Variants in CSN3 observed in about 807,000 individuals in gnomAD.
The protein encoded by CSN3 is casein kappa, also known as kappa-casein.
Under a neutral mutation model 9.9 loss-of-function variants are expected in CSN3, and 7 were observed. The observed-to-expected ratio is 0.71, with a 90% CI of 0.40 to 1.33. The LOEUF is 1.33. CSN3 is among the 40% of genes most tolerant of loss of function. CSN3 has a pLI of 0.01. For synonymous variants in CSN3, 88 were observed against 82.3 expected (o/e 1.07, Z -0.37); for missense variants, 253 against 227.9 (o/e 1.11, Z -0.71).
At chr4:70,245,439 A>G (rs1385424342) in intron 2 of CSN3, among the ~76,000 whole-genome samples, 3 of 152,206 alleles carry the variant, frequency 2.0e-5, no homozygotes, top group Non-Finnish European at 2.9e-5. Context: ...TCCAGGGATC[A>G]ATGGTTATAA....
At chr4:70,249,279 G>A (rs756304614) in exon 4 of CSN3, 2 of 1,614,008 alleles carry the variant, frequency 1.2e-6, no homozygotes, top group Admixed American at 3.3e-5. Flanking sequence ...TCCCCCCAAA[G>A]AAAATTCAGG....
chr4:70,242,280 T>TAAAAAGACTGGCCCAAAGG (rs1560495253), upstream of CSN3, among the ~76,000 whole-genome samples: 2 of 18,630 alleles, frequency 1.1e-4, no homozygotes, highest in Non-Finnish European at 1.9e-4. Flanking sequence ...GCATTTCTTT[T>TAAAAAGACTGGCCCAAAGG]TTATTTTATT....
chr4:70,239,443 T>C (rs1730230460), upstream of CSN3, among the ~76,000 whole-genome samples: 1 of 151,904 alleles, frequency 6.6e-6, no homozygotes, highest in African/African-American at 2.4e-5. Flanking sequence ...TGGGTTCGTG[T>C]TGGAGAAATA....
chr4:70,239,638 C>A (rs1730233306), upstream of CSN3, among the ~76,000 whole-genome samples: 1 of 152,000 alleles, frequency 6.6e-6, no homozygotes, highest in Admixed American at 6.6e-5. Flanking sequence ...TGAAAATAGT[C>A]TTTCTGTAAG....
chr4:70,249,372 T>C (rs1156315101), exon 4 of CSN3: 2 of 1,614,066 alleles, frequency 1.2e-6, no homozygotes, highest in Non-Finnish European at 1.7e-6. Flanking sequence ...CGGTGGACAG[T>C]GTAGTCACTC....
intron 3 of CSN3, 79 bp downstream of exon 3, chr4:70,247,929 C>G: frequency 3.9e-6 from 4 of 1,014,428 alleles, no homozygotes; most frequent in Non-Finnish European, 5.7e-6. Flanking sequence ...ATTATAGATG[C>G]CTTCTGTCTA....
At chr4:70,250,818 G>A (rs1730468846) in intron 4 of CSN3, among the ~76,000 whole-genome samples, 1 of 152,076 alleles carries the variant, frequency 6.6e-6, no homozygotes, top group African/African-American at 2.4e-5. Flanking sequence ...TGTCTAACTT[G>A]CTGAAAAACA....
At chr4:70,242,526 A>C (rs965645911), upstream of CSN3, 2 of 151,642 alleles carry the variant, frequency 1.3e-5, no homozygotes, top group Non-Finnish European at 2.9e-5. Flanking sequence ...TTGGGTAAAA[A>C]GTAGGAGGGA....
intron 4 of CSN3, 90 bp downstream of exon 4, chr4:70,249,583 A>G: frequency 1.2e-6 from 1 of 809,280 alleles, no homozygotes; most frequent in Non-Finnish European, 1.9e-6. Context: ...ACAAATAGAT[A>G]AACTAAGTGT....
Position 70,248,996 on chromosome 4 carries a change from A to G in CSN3, c.88-2A>G. ...ATTCTGTATAATTTATTTTTTTTGC[A>G]GTGCCATGAGAATGATGAAAGACCA... On this transcript the variant is annotated splice_acceptor_variant, in intron 3 of 4. Coordinates refer to ENST00000304954, the Ensembl canonical transcript of CSN3. LOFTEE classifies it high-confidence loss of function. 2 of 1,550,878 alleles carry G rather than the reference A, an allele frequency of 1.3e-6. No individual in the cohort carries two copies. The highest frequency in any genetic ancestry group is 1.7e-6 in the Non-Finnish European group (2 of 1,149,566).
intron 4 of CSN3, 51 bp downstream of exon 4, chr4:70,249,544 A>G (rs1253868526): frequency 4.7e-6 from 5 of 1,061,664 alleles, no homozygotes; most frequent in Middle Eastern, 2.1e-4. Context: ...GCATGGATTT[A>G]TGAATACAAC....
chr4:70,241,147 A>C (rs2109691874), upstream of CSN3, among the ~76,000 whole-genome samples: 1 of 152,138 alleles, frequency 6.6e-6, no homozygotes, highest in Non-Finnish European at 1.5e-5. Flanking sequence ...CACCTTCAAA[A>C]TTTGAGGAAT....
chr4:70,249,719 G>T (rs1203389337), intron 4 of CSN3, among the ~76,000 whole-genome samples: 1 of 152,062 alleles, frequency 6.6e-6, no homozygotes. Flanking sequence ...AAAATAATTG[G>T]CAACTTCATT....
chr4:70,247,066 T>A (rs2063747), intron 2 of CSN3, among the ~76,000 whole-genome samples: 51,701 of 151,990 alleles, frequency 0.34, 9,344 homozygotes, highest in Non-Finnish European at 0.4. Context: ...ACCTTCTCAA[T>A]TTTCTGATTT....
chr4:70,241,840 G>A (rs372854093), upstream of CSN3, among the ~76,000 whole-genome samples: 5 of 151,994 alleles, frequency 3.3e-5, no homozygotes, highest in Admixed American at 6.6e-5. Context: ...CAATGCATAC[G>A]GGAGAAAATG....
chr4:70,241,451 C>T (rs1450983369), upstream of CSN3, among the ~76,000 whole-genome samples: 5 of 152,002 alleles, frequency 3.3e-5, no homozygotes, highest in Non-Finnish European at 7.4e-5. Flanking sequence ...GACATAACTA[C>T]AATGCTGATA....
chr4:70,238,558 G>T (rs1352391347), upstream of CSN3, among the ~76,000 whole-genome samples: 3 of 151,792 alleles, frequency 2.0e-5, no homozygotes, highest in African/African-American at 4.8e-5. Context: ...TTAATCAGAA[G>T]AATAATCATA....
At chr4:70,249,317 C>A in exon 4 of CSN3, 1 of 1,614,018 alleles carries the variant, frequency 6.2e-7, no homozygotes, top group Non-Finnish European at 8.5e-7. Flanking sequence ...ACCATCAATA[C>A]CATTGCTACT....
upstream of CSN3, among the ~76,000 whole-genome samples, chr4:70,241,907 T>C (rs1730278191): frequency 6.6e-6 from 1 of 152,050 alleles, no homozygotes; most frequent in Non-Finnish European, 1.5e-5. Context: ...ATGTTTCATA[T>C]ATGGGTTTGA....
Sources: gnomAD v4.1 joint callset for allele counts (sites outside exome capture counted in the v4.1 genomes callset) on GRCh38, gnomAD v4.1.1 for gene constraint, MANE v1.5 for transcripts, NCBI Gene and HGNC (gene_info 2026-07-23, HGNC 2026-07-21) for gene names.